Variants in SCAMP1 observed in about 807,000 individuals in gnomAD.
The protein encoded by SCAMP1 is secretory carrier-associated membrane protein 1.
A neutral mutation model predicts 41.8 loss-of-function variants in SCAMP1; 15 were observed. The ratio of observed to expected loss-of-function variants is 0.36; its 90% CI spans 0.24 to 0.55. The LOEUF is 0.55. SCAMP1 is among the 20% of genes least tolerant of loss of function. The probability of loss-of-function intolerance (pLI) is 0.86; values close to 1 mark genes in which losing one functional copy is unlikely to be tolerated. For missense variants in SCAMP1, 341 were observed against 412.6 expected (o/e 0.83, Z 1.50); for synonymous variants, 135 against 136.8 (o/e 0.99, Z 0.09).
intron 1 of SCAMP1, among the ~76,000 whole-genome samples, chr5:78,364,265 G>A (rs781054846): frequency 1.3e-5 from 2 of 152,128 alleles, no homozygotes; most frequent in Non-Finnish European, 2.9e-5. Flanking sequence ...GTTAAGTGCC[G>A]GAACAAGTGC....
At chr5:78,413,304 C>T (rs768051395) in intron 2 of SCAMP1, among the ~76,000 whole-genome samples, 23 of 152,010 alleles carry the variant, frequency 1.5e-4, no homozygotes, top group Non-Finnish European at 2.2e-4. Flanking sequence ...GTACACTTCT[C>T]TGTCCTTGCA....
chr5:78,412,673 A>G (rs1752109721), intron 2 of SCAMP1, among the ~76,000 whole-genome samples: 1 of 152,100 alleles, frequency 6.6e-6, no homozygotes, highest in Admixed American at 6.6e-5. Context: ...TAGTGCTGTT[A>G]CACCTCTTTT....
chr5:78,449,645 C>T (rs998665339), intron 6 of SCAMP1, among the ~76,000 whole-genome samples: 5 of 152,022 alleles, frequency 3.3e-5, no homozygotes, highest in African/African-American at 1.2e-4. Context: ...AAGAAGAAAA[C>T]GAGTAAGTTT....
intron 2 of SCAMP1, among the ~76,000 whole-genome samples, chr5:78,396,921 G>A (rs2162959): frequency 0.45 from 68,076 of 152,004 alleles, 16,041 homozygotes; most frequent in Non-Finnish European, 0.5. Flanking sequence ...TTTTGGTTGA[G>A]TGTTGGGAGC....
intron 6 of SCAMP1, among the ~76,000 whole-genome samples, chr5:78,429,675 C>G (rs186872110): frequency 1.3e-3 from 193 of 152,076 alleles, no homozygotes; most frequent in African/African-American, 4.3e-3. Context: ...CTGTTCTTAC[C>G]AGAGTTCAGT....
intron 8 of SCAMP1, among the ~76,000 whole-genome samples, chr5:78,473,657 C>A (rs1962850): frequency 0.02 from 3,012 of 152,176 alleles, 110 homozygotes; most frequent in African/African-American, 0.067. Flanking sequence ...TCCCCAATAT[C>A]TATCGTTGCC....
intron 7 of SCAMP1, among the ~76,000 whole-genome samples, chr5:78,453,587 A>G (rs1456183548): frequency 6.6e-6 from 1 of 151,446 alleles, no homozygotes; most frequent in Non-Finnish European, 1.5e-5. Context: ...TGGTTACTGT[A>G]GCCTTGTAGT....
At chr5:78,456,508 T>C (rs1414316373) in intron 7 of SCAMP1, among the ~76,000 whole-genome samples, 1 of 151,892 alleles carries the variant, frequency 6.6e-6, no homozygotes, top group East Asian at 2.0e-4. Context: ...TGTTGAATAT[T>C]GGCCCCCACT....
intron 6 of SCAMP1, among the ~76,000 whole-genome samples, chr5:78,443,583 G>A (rs1450320455): frequency 6.6e-6 from 1 of 151,080 alleles, no homozygotes; most frequent in Admixed American, 6.6e-5. Flanking sequence ...GCATAGGTGG[G>A]AAGAAGAGAG....
chr5:78,425,632 T>G (rs1178606836), intron 6 of SCAMP1, among the ~76,000 whole-genome samples: 2 of 152,320 alleles, frequency 1.3e-5, no homozygotes. Flanking sequence ...CTACCAACAG[T>G]TCTTGCCGCT....
At chr5:78,385,921 T>C (rs540063451) in intron 1 of SCAMP1, among the ~76,000 whole-genome samples, 26 of 152,252 alleles carry the variant, frequency 1.7e-4, no homozygotes, top group African/African-American at 6.0e-4. Context: ...TATGCTTGTA[T>C]GTTCTGCAGT....
At chr5:78,418,599 A>T (rs1296161536) in intron 4 of SCAMP1, among the ~76,000 whole-genome samples, 176 bp from the exon 5 acceptor site, 3 of 152,162 alleles carry the variant, frequency 2.0e-5, no homozygotes, top group African/African-American at 4.8e-5. Flanking sequence ...TTCTGAGAAA[A>T]TTTTTTAAAA....
At chr5:78,473,056 T>G (rs1459747840) in intron 8 of SCAMP1, among the ~76,000 whole-genome samples, 1 of 152,158 alleles carries the variant, frequency 6.6e-6, no homozygotes, top group Non-Finnish European at 1.5e-5. Flanking sequence ...TTTATCTATA[T>G]CTTTAATTTT....
chr5:78,463,918 C>T (rs1197329941), intron 8 of SCAMP1, among the ~76,000 whole-genome samples: 2 of 151,652 alleles, frequency 1.3e-5, no homozygotes, highest in South Asian at 2.1e-4. Context: ...TGAGATGGCA[C>T]TAAGCACTTT....
At chr5:78,394,510 T>C (rs1751600151) in intron 2 of SCAMP1, among the ~76,000 whole-genome samples, 1 of 152,108 alleles carries the variant, frequency 6.6e-6, no homozygotes, top group South Asian at 2.1e-4. Context: ...TGAACCACCA[T>C]GCCTAGCTGA....
At chr5:78,375,085 T>C (rs1361882004) in intron 1 of SCAMP1, among the ~76,000 whole-genome samples, 2 of 152,106 alleles carry the variant, frequency 1.3e-5, no homozygotes, top group Non-Finnish European at 2.9e-5. Flanking sequence ...CTGAGAATTA[T>C]GGAGTAGGGG....
chr5:78,437,351 G>T (rs1208430698), intron 6 of SCAMP1, among the ~76,000 whole-genome samples: 1 of 152,196 alleles, frequency 6.6e-6, no homozygotes, highest in Non-Finnish European at 1.5e-5. Flanking sequence ...CTGTGGGTTT[G>T]TCATAAATAG....
intron 7 of SCAMP1, among the ~76,000 whole-genome samples, chr5:78,453,924 G>C (rs1029189462): frequency 6.6e-6 from 1 of 151,852 alleles, no homozygotes; most frequent in African/African-American, 2.4e-5. Context: ...TTGGATTCCT[G>C]GGTATTTTAT....
At chr5:78,389,064 A>G in intron 2 of SCAMP1, 150 bp downstream of exon 2, 1 of 478,880 alleles carries the variant, frequency 2.1e-6, no homozygotes, top group South Asian at 4.4e-5. Flanking sequence ...GATTTTTTTA[A>G]TATGTAGAAA....
Sources: allele counts gnomAD v4.1 joint callset (sites outside exome capture counted in the v4.1 genomes callset), GRCh38; gene constraint gnomAD v4.1.1; transcripts MANE v1.5; gene names NCBI Gene and HGNC (gene_info 2026-07-23, HGNC 2026-07-21).